The following SESN1 variants were observed in gnomAD, a reference collection of about 807,000 sequenced individuals.
SESN1 encodes sestrin-1.
In SESN1, 30 loss-of-function variants were observed where a neutral mutation model predicts 59.3. The observed-to-expected ratio is 0.51, with a 90% CI of 0.38 to 0.69. The LOEUF is 0.69. Among genes scored for constraint, SESN1 ranks in the 30% least tolerant of loss-of-function variants. The pLI is 0.00. For synonymous variants in SESN1, 197 were observed against 219.9 expected (o/e 0.90, Z 0.92); for missense variants, 566 against 673.0 (o/e 0.84, Z 1.76).
chr6:109,006,169 GA>G (rs781586264), intron 1 of SESN1, among the ~76,000 whole-genome samples: 4 of 152,112 alleles, frequency 2.6e-5, no homozygotes, highest in Non-Finnish European at 5.9e-5. Context: ...CTAAAGTTTA[GA>G]AAGAGTATTT....
chr6:109,058,568 CTTA>C (rs1440781805), intron 1 of SESN1, among the ~76,000 whole-genome samples: 1 of 152,202 alleles, frequency 6.6e-6, no homozygotes, highest in Non-Finnish European at 1.5e-5. Flanking sequence ...CTCCTAACTG[CTTA>C]TCTCTCTCTA....
intron 1 of SESN1, chr6:109,008,706 T>C: frequency 1.3e-5 from 11 of 878,072 alleles, no homozygotes; most frequent in Non-Finnish European, 1.5e-5. Context: ...GGTTTCCTAT[T>C]TGCAACCACT....
chr6:109,094,405 G>C lies in SESN1; in HGVS notation c.-332C>G. The stretch of plus-strand genomic sequence containing the variant: ...TCGCGGGGTCAGTGGATATCCTCAC[G>C]TTGTGGAGCTGTCAAATCCGTGCTC... On this transcript the variant is annotated 5_prime_UTR_variant, in exon 1 of 10. Coordinates refer to ENST00000436639, the MANE Select transcript of SESN1 (RefSeq NM_014454.3). The C allele has an allele frequency of 3.1e-6, 1 of 323,428 alleles. No individual in the cohort carries two copies. The highest frequency in any genetic ancestry group is 5.8e-6 in the Non-Finnish European group (1 of 173,332). The allele number at this position is 323,428 out of a possible 1,614,324, so 20.0% of individuals were successfully genotyped here.
At chr6:109,059,471 A>G (rs1780694534) in intron 1 of SESN1, 1 of 152,224 alleles carries the variant, frequency 6.6e-6, no homozygotes, top group African/African-American at 2.4e-5. Context: ...ATAAAAAAGC[A>G]GAATAAGAGG....
chr6:109,005,037 G>C (rs1779705732), intron 1 of SESN1, among the ~76,000 whole-genome samples: 3 of 152,180 alleles, frequency 2.0e-5, no homozygotes, highest in African/African-American at 7.2e-5. Flanking sequence ...AAATTAAAAA[G>C]TCCCATAGCC....
chr6:109,026,811 C>T (rs1780101802), intron 1 of SESN1, among the ~76,000 whole-genome samples: 1 of 151,984 alleles, frequency 6.6e-6, no homozygotes, highest in Non-Finnish European at 1.5e-5. Flanking sequence ...CCAGGTTTAA[C>T]TTCTTAAGTA....
At chr6:109,063,446 G>T (rs546672694) in intron 1 of SESN1, among the ~76,000 whole-genome samples, 1 of 152,318 alleles carries the variant, frequency 6.6e-6, no homozygotes, top group South Asian at 2.1e-4. Flanking sequence ...GATGGGACCA[G>T]AGGGGATAGA....
rs1307426271 is a variant in SESN1, at chr6:109,086,277, G to A, written c.279+7518C>T. 5.9e-5 allele frequency among the ~76,000 whole-genome samples: 9 copies of A among 152,054 alleles called. No homozygotes were observed. In the South Asian group the frequency reaches 6.2e-4, roughly 11 times the overall value. On this transcript the variant is annotated intron_variant, in intron 1 of 9. Transcript: ENST00000436639. ...GAGGCAGGGAGAACTGCTTGAACCC[G>A]GGAGGTGGAGGTTGCAGACAGCCAA... is the stretch of plus-strand genomic sequence containing the variant.
In SESN1 at chr6:109,088,476, C is replaced by T. The variant is rs553737847; in HGVS notation, c.279+5319G>A. Among the ~76,000 whole-genome samples, 302 of 151,992 alleles carry T rather than the reference C, an allele frequency of 2.0e-3. 1 individual carries two copies. Among genetic ancestry groups the T allele is most frequent in the African/African-American group, 6.9e-3 (287 of 41,458 alleles). ...CCCAGCAACGAAAGTTTCATTTCTCCTGGAGGTGGGGGGGTAATAATCACT... is the reference window on the plus strand; with the variant it reads ...CCCAGCAACGAAAGTTTCATTTCTCTTGGAGGTGGGGGGGTAATAATCACT... On this transcript the variant is annotated intron_variant, in intron 1 of 9. Coordinates refer to ENST00000436639, the MANE Select transcript of SESN1 (RefSeq NM_014454.3).
intron 5 of SESN1, among the ~76,000 whole-genome samples, chr6:108,997,718 A>G (rs1277039922): frequency 6.6e-6 from 1 of 152,214 alleles, no homozygotes. Flanking sequence ...ATCTATTTCA[A>G]AGGGATAATA....
chr6:109,039,007 G>GAAAGAGAAAGAAAGAA (rs1398495496), intron 1 of SESN1, among the ~76,000 whole-genome samples: 1 of 147,224 alleles, frequency 6.8e-6, no homozygotes, highest in Non-Finnish European at 1.5e-5. Context: ...GAGAAAAGAA[G>GAAAGAGAAAGAAAGAA]AAAGAGAAAG....
At chr6:109,076,450 T>C (rs1346501261) in intron 1 of SESN1, among the ~76,000 whole-genome samples, 1 of 152,200 alleles carries the variant, frequency 6.6e-6, no homozygotes, top group East Asian at 1.9e-4. Context: ...GCCATCTCAG[T>C]CTTTAAATTA....
rs1331747916 is a variant in SESN1 at position 108,990,709 on chromosome 6, C to G, written c.1360G>C (p.Asp454His). The change falls in exon 8 of 10, where the codon GAT (aspartate) becomes CAT (histidine). Residue 454 changes from aspartate to histidine, a missense_variant. Coordinates refer to ENST00000436639, the MANE Select transcript of SESN1 (RefSeq NM_014454.3). ...LTYNTMAMHK[D>H]VDTSMLRRAI... is the part of the protein sequence containing the mutation. ...CGTCTAAGCATTGAGGTATCAACAT[C>G]TTTGTGCATTGCCATTGTATTATAA... 3.1e-6 allele frequency: 5 copies of G among 1,614,002 alleles called. No homozygotes were observed. Among genetic ancestry groups the G allele is most frequent in the African/African-American group, 2.7e-5 (2 of 74,910 alleles).
At chr6:109,014,019 T>C (rs80112738) in intron 1 of SESN1, among the ~76,000 whole-genome samples, 2 of 152,036 alleles carry the variant, frequency 1.3e-5, no homozygotes, top group African/African-American at 2.4e-5. Context: ...TTTTTTTTTT[T>C]CAGTTCTTCA....
rs534443566 is a variant in SESN1, at chr6:109,032,763, GC to G, written c.280-30421del. The stretch of plus-strand genomic sequence containing the variant: ...GCCTTCTTTTCTTTTGTCTACCCAA[GC>G]CCCTTAATGAAGGGGAGGGCTCGAT... On this transcript the variant is annotated intron_variant, in intron 1 of 9. Coordinates refer to ENST00000436639, the MANE Select transcript of SESN1 (RefSeq NM_014454.3). 1.9e-3 allele frequency among the ~76,000 whole-genome samples: 291 copies of G among 152,242 alleles called. 1 individual carries two copies. The highest frequency in any genetic ancestry group is 6.6e-3 in the African/African-American group (276 of 41,546).
At chr6:109,009,508 C>T (rs868561615) in intron 1 of SESN1, 6 of 1,203,358 alleles carry the variant, frequency 5.0e-6, no homozygotes, top group South Asian at 3.9e-5. Flanking sequence ...GAGCGCTGGG[C>T]AGCCGGCCGC....
At chr6:109,088,131 TC>T (rs1194287345) in intron 1 of SESN1, 3 of 152,048 alleles carry the variant, frequency 2.0e-5, no homozygotes, top group Non-Finnish European at 1.5e-5. Context: ...AAGGTTTTCT[TC>T]CCCGAGAGAG....
chr6:109,093,877 A>G lies in SESN1; in HGVS notation c.197T>C (p.Leu66Pro). ...TESSDGLNKL[L>P]AHLLMLSKRC... is the part of the protein sequence containing the mutation. ...CTTAGAAAGCATAAGCAGATGAGCA[A>G]GTAGCTTATTCAACCCATCCGAAGA... is the stretch of plus-strand genomic sequence containing the variant. Residue 66 changes from leucine to proline, a missense_variant, in exon 1 of 10, where the codon CTT becomes CCT. Leu to Pro is a moderately conservative substitution (Grantham distance 98, BLOSUM62 -3). Transcript: ENST00000436639. 1 of 1,614,228 alleles carries G rather than the reference A, an allele frequency of 6.2e-7. No homozygotes were observed. The highest frequency in any genetic ancestry group is 8.5e-7 in the Non-Finnish European group (1 of 1,180,038).
intron 1 of SESN1, among the ~76,000 whole-genome samples, chr6:109,067,532 A>G (rs1244580808): frequency 6.6e-6 from 1 of 152,230 alleles, no homozygotes. Context: ...TCATCGGCAG[A>G]GCCTCATTCC....
Sources: allele counts gnomAD v4.1 joint callset (sites outside exome capture counted in the v4.1 genomes callset), GRCh38; gene constraint gnomAD v4.1.1; transcripts MANE v1.5; gene names NCBI Gene and HGNC (gene_info 2026-07-23, HGNC 2026-07-21).